PTK2: variants seen among roughly 807,000 people sequenced by gnomAD.
PTK2 encodes the protein focal adhesion kinase 1.
PTK2 carries 45 observed loss-of-function variants against 150.1 expected under a neutral mutation model. The observed-to-expected ratio is 0.30, with a 90% CI of 0.24 to 0.38. The LOEUF is 0.38. Among genes scored for constraint, PTK2 ranks in the 10% least tolerant of loss-of-function variants. The pLI, the probability that PTK2 is intolerant of heterozygous loss-of-function variation, is 1.00. For synonymous variants in PTK2, 432 were observed against 449.2 expected (o/e 0.96, Z 0.48); for missense variants, 919 against 1,307.3 (o/e 0.70, Z 4.58).
At chr8:140,897,541 G>A (rs2100156795) in intron 2 of PTK2, among the ~76,000 whole-genome samples, 1 of 151,646 alleles carries the variant, frequency 6.6e-6, no homozygotes, top group Admixed American at 6.6e-5. Context: ...GTACCCTGTT[G>A]GTGGCATTCA....
chr8:140,674,194 T>C, intron 29 of PTK2, 104 bp downstream of exon 32: 1 of 1,195,808 alleles, frequency 8.4e-7, no homozygotes, highest in South Asian at 1.2e-5. Flanking sequence ...CACTGTTCTA[T>C]TTTCAGCACC....
chr8:140,672,002 T>G (rs1468159399), intron 29 of PTK2: 13 of 315,524 alleles, frequency 4.1e-5, no homozygotes. Context: ...GATTTCAATT[T>G]GCTTCATACC....
In PTK2 at chr8:140,975,526, C is replaced by T. The variant is rs114346943; in HGVS notation, c.-122+25599G>A. Among the ~76,000 whole-genome samples the T allele has an allele frequency of 2.4e-3, 369 of 152,246 alleles. 2 individuals are homozygous for T. Among genetic ancestry groups the T allele is most frequent in the African/African-American group, 8.5e-3 (354 of 41,530 alleles). On this transcript the variant is annotated intron_variant, in intron 1 of 31. Coordinates refer to ENST00000522684, the Ensembl canonical transcript of PTK2. ...TGAAAAATACTTTACAAAGAGGTCACCACATCTAGTCCACAGCCAGTTTTT... is the reference window on the plus strand; with the variant it reads ...TGAAAAATACTTTACAAAGAGGTCATCACATCTAGTCCACAGCCAGTTTTT...
intron 5 of PTK2, among the ~76,000 whole-genome samples, chr8:140,848,864 A>G (rs2100127306): frequency 6.6e-6 from 1 of 152,178 alleles, no homozygotes; most frequent in Non-Finnish European, 1.5e-5. Flanking sequence ...CAGATTTCAG[A>G]GGAACTACTG....
intron 11 of PTK2, among the ~76,000 whole-genome samples, chr8:140,801,355 T>C (rs919600544): frequency 2.0e-5 from 3 of 152,230 alleles, no homozygotes; most frequent in African/African-American, 7.2e-5. Flanking sequence ...ACGAGTGTAT[T>C]TTGTCCATCT....
intron 3 of PTK2, among the ~76,000 whole-genome samples, chr8:140,880,542 G>GTT (rs1310558032): frequency 6.6e-6 from 1 of 152,098 alleles, no homozygotes; most frequent in African/African-American, 2.4e-5. Flanking sequence ...AATCTTTTAG[G>GTT]TGATAAGACA....
At chr8:140,878,146 T>C (rs1351770652) in intron 4 of PTK2, among the ~76,000 whole-genome samples, 1 of 152,232 alleles carries the variant, frequency 6.6e-6, no homozygotes, top group Non-Finnish European at 1.5e-5. Flanking sequence ...ATTGACTAAA[T>C]AGTTGGAAGT....
chr8:140,909,915 A>T (rs1477450130), intron 2 of PTK2, among the ~76,000 whole-genome samples: 2 of 152,210 alleles, frequency 1.3e-5, no homozygotes, highest in African/African-American at 4.8e-5. Flanking sequence ...AACATCTGGT[A>T]TATTTGAAAT....
At chr8:140,766,995 C>A (rs1172868011) in intron 14 of PTK2, among the ~76,000 whole-genome samples, 2 of 152,164 alleles carry the variant, frequency 1.3e-5, no homozygotes, top group Non-Finnish European at 2.9e-5. Context: ...CTTCTGAGGG[C>A]TCTCTGAAAG....
At chr8:140,905,766 T>C (rs1011011432) in intron 2 of PTK2, among the ~76,000 whole-genome samples, 16 of 152,236 alleles carry the variant, frequency 1.1e-4, no homozygotes, top group African/African-American at 2.9e-4. Context: ...GACAACATAA[T>C]TGAAAGTAAA....
At chr8:140,988,661 G>A (rs938670314) in intron 1 of PTK2, among the ~76,000 whole-genome samples, 6 of 150,594 alleles carry the variant, frequency 4.0e-5, no homozygotes, top group Admixed American at 1.3e-4. Context: ...CCCGGGAGGC[G>A]GAGCCTGCAG....
chr8:140,966,570 A>C (rs1424903793), intron 1 of PTK2, among the ~76,000 whole-genome samples: 1 of 152,238 alleles, frequency 6.6e-6, no homozygotes, highest in East Asian at 1.9e-4. Flanking sequence ...GTAACTATGA[A>C]ACTGATAAAA....
chr8:140,744,780 T>C lies in PTK2; in HGVS notation c.1519-13A>G. The C allele has an allele frequency of 1.6e-6, 2 of 1,283,118 alleles. No homozygotes were observed. Among genetic ancestry groups the C allele is most frequent in the Non-Finnish European group, 2.1e-6 (2 of 951,092 alleles). 79.5% of individuals were successfully genotyped at this position (1,283,118 alleles called of 1,614,324 possible). On this transcript the variant is annotated splice_polypyrimidine_tract_variant and intron_variant, in intron 18 of 31. Coordinates refer to ENST00000522684, the Ensembl canonical transcript of PTK2. Reference sequence around the variant, plus strand: ...AAAATGACCTCAGCTTTTGGAACAATGACCAAAAGAAAAAAAAAAAAAAAA... The same window carrying C: ...AAAATGACCTCAGCTTTTGGAACAACGACCAAAAGAAAAAAAAAAAAAAAA...
At chr8:140,920,940 AGG>A in intron 2 of PTK2, 1 of 1,472,610 alleles carries the variant, frequency 6.8e-7, no homozygotes, top group Non-Finnish European at 8.9e-7. Flanking sequence ...AGATCAAGCC[AGG>A]AGTCTGCACA....
intron 14 of PTK2, among the ~76,000 whole-genome samples, chr8:140,775,518 A>AT (rs985145752): frequency 1.5e-4 from 22 of 151,546 alleles, no homozygotes; most frequent in Admixed American, 2.0e-4. Flanking sequence ...GGGGTCCTTG[A>AT]TTTTTTTTAA....
At chr8:140,803,005 CTTTTTTTTT>C (rs778981723) in intron 11 of PTK2, among the ~76,000 whole-genome samples, 13 of 77,364 alleles carry the variant, frequency 1.7e-4, no homozygotes, top group East Asian at 5.1e-4. Context: ...TGATGACAAT[CTTTTTTTTT>C]TTTTTTTTTT....
chr8:140,957,350 C>A (rs1244021540), intron 1 of PTK2, among the ~76,000 whole-genome samples: 1 of 152,078 alleles, frequency 6.6e-6, no homozygotes, highest in East Asian at 1.9e-4. Flanking sequence ...ATCACTTGAG[C>A]CCGGGAAGGG....
Position 140,668,398 on chromosome 8 carries a change from A to AG in PTK2, c.2735dup (p.Pro913SerfsTer10), listed in dbSNP as rs1277359458. On this transcript the variant is annotated frameshift_variant, in exon 30 of 32. Coordinates refer to ENST00000522684, the Ensembl canonical transcript of PTK2. LOFTEE classifies it high-confidence loss of function. ...TCGACCGGTCCAGGTTGGCAGTAGG[A>AG]GGGGGGCTGATTTCCTGGGGCTGAA... is the stretch of plus-strand genomic sequence containing the variant. 2 of 1,612,714 alleles carry AG rather than the reference A, an allele frequency of 1.2e-6. No individual in the cohort carries two copies. The highest frequency in any genetic ancestry group is 1.7e-6 in the Non-Finnish European group (2 of 1,179,550).
At position 140,902,924 on chromosome 8, in the gene PTK2, G is replaced by GTTTTTTGTTTTTT. The variant is rs2100159140; in HGVS notation, c.-32-12156_-32-12155insAAAAAACAAAAAA. Among the ~76,000 whole-genome samples the GTTTTTTGTTTTTT allele has an allele frequency of 2.5e-4, 15 of 58,892 alleles. 1 individual carries two copies. The highest frequency in any genetic ancestry group is 5.7e-4 in the South Asian group (1 of 1,744). 38.6% of individuals were successfully genotyped at this position (58,892 alleles called of 152,430 possible). On this transcript the variant is annotated intron_variant, in intron 2 of 31. Transcript: ENST00000522684. The stretch of plus-strand genomic sequence containing the variant: ...TTGCCTGTTCACTCTGATGAGAGTT[G>GTTTTTTGTTTTTT]TTTTTTTTTTTTTTTTTTTTTTTTT...
Sources: gnomAD v4.1 joint callset for allele counts (sites outside exome capture counted in the v4.1 genomes callset) on GRCh38, gnomAD v4.1.1 for gene constraint, MANE v1.5 for transcripts, NCBI Gene and HGNC (gene_info 2026-07-23, HGNC 2026-07-21) for gene names.